The following MGAM variants were observed in gnomAD, a reference collection of about 807,000 sequenced individuals.
MGAM encodes the protein maltase-glucoamylase, also known as alpha-1,4-glucosidase.
In MGAM, 253 loss-of-function variants were observed where a neutral mutation model predicts 358.8. The ratio of observed to expected loss-of-function variants is 0.71; its 90% CI spans 0.64 to 0.78. The LOEUF (loss-of-function observed/expected upper bound fraction) is 0.78. MGAM is among the 30% of genes least tolerant of loss of function. The pLI is 0.00. For missense variants in MGAM, 3,080 were observed against 3,432.6 expected (o/e 0.90, Z 2.57); for synonymous variants, 1,105 against 1,227.1 (o/e 0.90, Z 2.08).
chr7:141,989,470 G>A (rs1232301112), intron 2 of MGAM, among the ~76,000 whole-genome samples: 1 of 151,952 alleles, frequency 6.6e-6, no homozygotes, highest in East Asian at 1.9e-4. Context: ...TGAAATGGTT[G>A]TCCAAGTTCT....
At chr7:142,054,515 C>T (rs1418126654) in intron 26 of MGAM, among the ~76,000 whole-genome samples, 1 of 152,096 alleles carries the variant, frequency 6.6e-6, no homozygotes, top group African/African-American at 2.4e-5. Context: ...GAATGATTTT[C>T]CAAGTCAGCA....
At chr7:142,102,597 C>A in intron 68 of MGAM, 33 bp from the exon 69 acceptor site, 1 of 1,604,248 alleles carries the variant, frequency 6.2e-7, no homozygotes, top group South Asian at 1.1e-5. Flanking sequence ...CAGCACAGGT[C>A]CAGGCCATGT....
At chr7:142,073,265 C>T (rs1039723857) in intron 44 of MGAM, among the ~76,000 whole-genome samples, 1 of 145,932 alleles carries the variant, frequency 6.9e-6, no homozygotes, top group African/African-American at 2.4e-5. Context: ...GACTGCTACT[C>T]AATACATGAA....
At chr7:141,991,750 T>G (rs907918793), upstream of MGAM, among the ~76,000 whole-genome samples, 3 of 152,126 alleles carry the variant, frequency 2.0e-5, no homozygotes, top group Non-Finnish European at 4.4e-5. Flanking sequence ...AAGGAGATAT[T>G]TTAATCACAT....
At position 142,106,089 on chromosome 7, in the gene MGAM, T is replaced by C. The variant is rs1816839759; in HGVS notation, c.*198T>C. The C allele has an allele frequency of 2.0e-6, 1 of 495,908 alleles. No homozygotes were observed. The highest frequency in any genetic ancestry group is 3.7e-6 in the Non-Finnish European group (1 of 271,158). The allele number at this position is 495,908 out of a possible 1,614,324, so 30.7% of individuals were successfully genotyped here. ...TGTGGGATAGGCAGTTAGGGAGGTG[T>C]GGAAAATCTATGCATTACCTTAATG... On this transcript the variant is annotated 3_prime_UTR_variant, in exon 71 of 71. Coordinates refer to ENST00000475668, the MANE Select transcript of MGAM (RefSeq NM_001365693.1).
At position 142,068,571 on chromosome 7, in the gene MGAM, C is replaced by G; in HGVS notation, c.5005-76C>G. On this transcript the variant is annotated intron_variant, in intron 42 of 70. Transcript: ENST00000475668. ...TCCAAAGCCATCACAATTATTTCAC[C>G]TCTTTCCTAAGCAGTTTGGTTACTC... 1.7e-6 allele frequency: 2 copies of G among 1,172,040 alleles called. 1 individual carries two copies. The highest frequency in any genetic ancestry group is 2.5e-6 in the Non-Finnish European group (2 of 794,404). 72.6% of individuals were successfully genotyped at this position (1,172,040 alleles called of 1,614,324 possible).
At chr7:142,045,926 GTATACATACAATATGTAAT>G (rs1247991315) in intron 21 of MGAM, among the ~76,000 whole-genome samples, 4 of 89,212 alleles carry the variant, frequency 4.5e-5, no homozygotes, top group African/African-American at 1.7e-4. Context: ...TATATATTAT[GTATACATACAATATGTAAT>G]ATATATTATG....
chr7:142,038,492 G>A (rs775290875), intron 18 of MGAM, 39 bp from the exon 19 acceptor site: 6 of 1,487,466 alleles, frequency 4.0e-6, no homozygotes, highest in Non-Finnish European at 3.7e-6. Flanking sequence ...CTCATTGGCA[G>A]TGGCTCAAAT....
intron 21 of MGAM, among the ~76,000 whole-genome samples, chr7:142,047,546 C>CT (rs1247458579): frequency 3.3e-5 from 5 of 152,106 alleles, no homozygotes; most frequent in African/African-American, 1.2e-4. Flanking sequence ...GCCTCTGGTG[C>CT]TTAAGTTCTT....
At chr7:142,048,674 G>C (rs906732977) in intron 22 of MGAM, among the ~76,000 whole-genome samples, 1 of 151,990 alleles carries the variant, frequency 6.6e-6, no homozygotes, top group African/African-American at 2.4e-5. Flanking sequence ...AGATTCCCTT[G>C]AGGCATATGC....
At chr7:142,011,751 C>G (rs948284098) in intron 3 of MGAM, among the ~76,000 whole-genome samples, 1 of 152,090 alleles carries the variant, frequency 6.6e-6, no homozygotes, top group African/African-American at 2.4e-5. Flanking sequence ...ATAGTGATCT[C>G]TAAGGTTCTG....
chr7:142,050,965 C>T, intron 24 of MGAM, 101 bp downstream of exon 24: 1 of 1,486,804 alleles, frequency 6.7e-7, no homozygotes, highest in African/African-American at 1.4e-5. Flanking sequence ...GACCAGGGCA[C>T]CTTTGAGGCC....
chr7:142,040,286 G>A (rs75360416), intron 20 of MGAM, 115 bp downstream of exon 20: 21,468 of 827,650 alleles, frequency 0.026, 405 homozygotes, highest in Middle Eastern at 0.067. Flanking sequence ...AGTTTTTAGT[G>A]TTTTCTGTAA....
upstream of MGAM, among the ~76,000 whole-genome samples, chr7:141,994,251 A>G (rs555867371): frequency 1.3e-5 from 2 of 152,356 alleles, no homozygotes; most frequent in Admixed American, 6.5e-5. Context: ...CCCTCCAAAA[A>G]GATCAATGAG....
intron 3 of MGAM, among the ~76,000 whole-genome samples, chr7:142,012,566 G>C (rs577261649): frequency 6.6e-6 from 1 of 152,232 alleles, no homozygotes; most frequent in Admixed American, 6.5e-5. Context: ...TTAGACTTCT[G>C]TTTTCTTAGG....
In MGAM at chr7:142,059,949, G is replaced by A; in HGVS notation, c.4042G>A (p.Asp1348Asn). 6.2e-7 allele frequency: 1 copy of A among 1,606,052 alleles called. No individual in the cohort carries two copies. The highest frequency in any genetic ancestry group is 8.5e-7 in the Non-Finnish European group (1 of 1,176,128). The change falls in exon 33 of 71, where the codon GAC (aspartate) becomes AAC (asparagine). Residue 1348 changes from aspartate (D) to asparagine (N), a missense_variant. By Grantham distance (23) the Asp-to-Asn change is conservative (BLOSUM62 1). Around this residue, in one of 5 missense-constraint regions of MGAM, gnomAD observed 1,816 missense variants for 1,840.5 expected, o/e 0.99. Coordinates refer to ENST00000475668, the MANE Select transcript of MGAM (RefSeq NM_001365693.1). ...CTTCATCAAATACCCAAATGATGGA[G>A]ACATTGTCTGGGGAAAGGTATAATC... ...DVFIKYPNDG[D>N]IVWGKVWPDF...
At position 142,022,254 on chromosome 7, in the gene MGAM, C is replaced by G. The variant is rs1554459160; in HGVS notation, c.711-14C>G. ...GCTTGCTCACCCATCCTTGTGTTCT[C>G]CACCTGTGTCTAGGTTTGACTCGAG... is the stretch of plus-strand genomic sequence containing the variant. On this transcript the variant is annotated splice_polypyrimidine_tract_variant and intron_variant, in intron 6 of 70. Coordinates refer to ENST00000475668, the MANE Select transcript of MGAM (RefSeq NM_001365693.1). 6 of 1,594,144 alleles carry G rather than the reference C, an allele frequency of 3.8e-6. No homozygotes were observed. Among genetic ancestry groups the G allele is most frequent in the Non-Finnish European group, 5.1e-6 (6 of 1,168,618 alleles).
chr7:142,050,983 G>A (rs929104654), intron 24 of MGAM, 119 bp downstream of exon 24: 2 of 1,370,616 alleles, frequency 1.5e-6, no homozygotes, highest in African/African-American at 1.5e-5. Context: ...GCCTGTTTTG[G>A]GGAAGTGAGA....
At chr7:142,037,032 T>C (rs1808056416) in intron 18 of MGAM, 55 bp downstream of exon 18, 3 of 1,530,724 alleles carry the variant, frequency 2.0e-6, no homozygotes, top group East Asian at 2.3e-5. Context: ...TGACATTGAC[T>C]ATATCATCAA....
Sources: gnomAD v4.1 joint callset for allele counts (sites outside exome capture counted in the v4.1 genomes callset) on GRCh38, gnomAD v4.1.1 for gene constraint, gnomAD v4.1.1 regional missense constraint, MANE v1.5 for transcripts, NCBI Gene and HGNC (gene_info 2026-07-23, HGNC 2026-07-21) for gene names.